AXIN1: variants seen among roughly 807,000 people sequenced by gnomAD.
AXIN1 encodes axin 1.
AXIN1 carries 30 observed loss-of-function variants against 76.4 expected under a neutral mutation model. The observed-to-expected ratio is 0.39, with a 90% confidence interval of 0.29 to 0.53. AXIN1 has a LOEUF of 0.53. AXIN1 is among the 20% of genes least tolerant of loss of function. The pLI, the probability that AXIN1 is intolerant of heterozygous loss-of-function variation, is 0.66. For missense variants in AXIN1, 1,140 were observed against 1,198.8 expected (o/e 0.95, Z 0.72); for synonymous variants, 545 against 501.4 (o/e 1.09, Z -1.16).
chr16:337,176 A>G (rs2053824296), intron 2 of AXIN1, among the ~76,000 whole-genome samples: 1 of 149,600 alleles, frequency 6.7e-6, no homozygotes, highest in East Asian at 1.9e-4. Context: ...AAAAAAAAAA[A>G]AGACACATTT....
chr16:293,468 A>C lies in AXIN1; in HGVS notation c.2186+20T>G. 1.2e-6 allele frequency: 2 copies of C among 1,604,332 alleles called. No individual in the cohort carries two copies. The highest frequency in any genetic ancestry group is 1.7e-6 in the Non-Finnish European group (2 of 1,177,954). Reference sequence around the variant, plus strand: ...TGTGGTAACCCCCAAGACCCACCCCACCCCACGACGCGGCCGTACCTCTGC... The same window carrying C: ...TGTGGTAACCCCCAAGACCCACCCCCCCCCACGACGCGGCCGTACCTCTGC... On this transcript the variant is annotated intron_variant, in intron 8 of 10. Coordinates refer to ENST00000262320, the MANE Select transcript of AXIN1 (RefSeq NM_003502.4). This position sits in a 1 kb window ranked among gnomAD's most constrained non-coding sequence, Gnocchi z 4.6.
intron 2 of AXIN1, among the ~76,000 whole-genome samples, chr16:328,092 T>A (rs1290554681): frequency 6.6e-6 from 1 of 152,154 alleles, no homozygotes. Flanking sequence ...CAAAAAAATG[T>A]TGCAAAAATT....
At chr16:296,409 GA>G (rs2052713417) in intron 7 of AXIN1, among the ~76,000 whole-genome samples, 1 of 152,238 alleles carries the variant, frequency 6.6e-6, no homozygotes, top group South Asian at 2.1e-4. Context: ...ACCTGCCTCT[GA>G]CCACGACAGG....
intron 2 of AXIN1, among the ~76,000 whole-genome samples, chr16:338,927 GA>G (rs748212713): frequency 0.011 from 1,564 of 141,946 alleles, 7 homozygotes; most frequent in Non-Finnish European, 0.015. Context: ...CCATCTTGGG[GA>G]AAAAAAAAAA....
At chr16:347,325 G>A (rs569096290) in intron 1 of AXIN1, among the ~76,000 whole-genome samples, 21 of 152,358 alleles carry the variant, frequency 1.4e-4, no homozygotes, top group South Asian at 6.2e-4. Context: ...TGCCTCTCAT[G>A]CTAAGAAGGG....
chr16:315,214 C>T (rs1311400856), intron 2 of AXIN1, among the ~76,000 whole-genome samples: 1 of 152,210 alleles, frequency 6.6e-6, no homozygotes, highest in Non-Finnish European at 1.5e-5. Flanking sequence ...CTCCCCAGCT[C>T]CTGGGACGAT....
intron 2 of AXIN1, among the ~76,000 whole-genome samples, chr16:325,470 G>C (rs951740774): frequency 7.2e-5 from 11 of 152,332 alleles, no homozygotes; most frequent in African/African-American, 2.6e-4. Flanking sequence ...CACTGGAGTT[G>C]GGGCAGCGCT....
At chr16:297,606 C>A in intron 6 of AXIN1, 116 bp downstream of exon 6, 2 of 1,376,224 alleles carry the variant, frequency 1.5e-6, no homozygotes, top group Non-Finnish European at 1.9e-6. Context: ...AGCAGAGGGG[C>A]CTCCTGCCTG....
At chr16:334,765 A>C (rs1430350313) in intron 2 of AXIN1, among the ~76,000 whole-genome samples, 4 of 151,634 alleles carry the variant, frequency 2.6e-5, no homozygotes, top group Non-Finnish European at 5.9e-5. Context: ...CAACACACTA[A>C]TATCACAGCA....
At chr16:317,969 A>G (rs891004630) in intron 2 of AXIN1, among the ~76,000 whole-genome samples, 1 of 152,256 alleles carries the variant, frequency 6.6e-6, no homozygotes, top group African/African-American at 2.4e-5. Context: ...GCCGCACAGA[A>G]GTTTAAGAAG....
rs372629435 is a variant in AXIN1 at position 297,246 on chromosome 16, G to T, written c.1785-20C>A. 6.2e-7 allele frequency: 1 copy of T among 1,602,586 alleles called. No homozygotes were observed. The highest frequency in any genetic ancestry group is 1.1e-5 in the South Asian group (1 of 91,070). On this transcript the variant is annotated intron_variant, in intron 6 of 10. Transcript: ENST00000262320. ...TTCCCACTGCAAGGGCAAGAGCTGC[G>T]AGTCGCCCTGGCCTCCGGTGGCCGA...
At chr16:318,997 C>A (rs548703362) in intron 2 of AXIN1, among the ~76,000 whole-genome samples, 5 of 146,190 alleles carry the variant, frequency 3.4e-5, no homozygotes, top group Admixed American at 2.1e-4. Context: ...GGAGAGAATG[C>A]GGCCGGAGAC....
rs2141511445 is a variant in AXIN1 at position 297,917 on chromosome 16, T to A, written c.1589A>T (p.His530Leu). The change falls in exon 6 of 11, where the codon CAC (histidine) becomes CTC (leucine). Residue 530 changes from histidine (H) to leucine (L), a missense_variant. His to Leu is a moderately conservative substitution (Grantham distance 99, BLOSUM62 -3). This residue lies in a region of AXIN1 where 708 missense variants were observed against 776.9 expected (regional missense o/e 0.91). Coordinates refer to ENST00000262320, the MANE Select transcript of AXIN1 (RefSeq NM_003502.4). ...GTGGTGGTGGACGTGTCGGTGGTGG[T>A]GCAGGCCGGCCGCGTCCAGCTTCGC... is the stretch of plus-strand genomic sequence containing the variant. ...SGAKLDAAGL[H>L]HHRHVHHHVH... 6.3e-7 allele frequency: 1 copy of A among 1,597,546 alleles called. No homozygotes were observed. Among genetic ancestry groups the A allele is most frequent in the East Asian group, 2.2e-5 (1 of 44,594 alleles).
intron 2 of AXIN1, among the ~76,000 whole-genome samples, chr16:330,310 C>A (rs2053668769): frequency 6.6e-6 from 1 of 152,100 alleles, no homozygotes; most frequent in African/African-American, 2.4e-5. Context: ...GCAATCCACC[C>A]ACCTTGGCCT....
chr16:346,127 G>C (rs2141699821), intron 2 of AXIN1, 21 bp downstream of exon 2: 1 of 1,610,796 alleles, frequency 6.2e-7, no homozygotes, highest in Non-Finnish European at 8.5e-7. Flanking sequence ...ACAGAAAGTG[G>C]ACGCCTGGCG....
chr16:293,830 G>C lies in AXIN1; in HGVS notation c.1956-112C>G. 9.5e-7 allele frequency: 1 copy of C among 1,048,308 alleles called. No homozygotes were observed. Among genetic ancestry groups the C allele is most frequent in the South Asian group, 1.3e-5 (1 of 79,186 alleles). The allele number at this position is 1,048,308 out of a possible 1,614,324, so 64.9% of individuals were successfully genotyped here. On this transcript the variant is annotated intron_variant, in intron 7 of 10. Coordinates refer to ENST00000262320, the MANE Select transcript of AXIN1 (RefSeq NM_003502.4). This position sits in a 1 kb window ranked among gnomAD's most constrained non-coding sequence, Gnocchi z 4.6. ...CCTCCTTGAGGGATAGGATGGGATG[G>C]GGCACTGGGGCCTGGCCACCAAGCC...
chr16:347,246 A>G, intron 1 of AXIN1, 140 bp from the exon 2 acceptor site: 1 of 819,634 alleles, frequency 1.2e-6, no homozygotes, highest in Non-Finnish European at 1.9e-6. Context: ...TGTTCAATCA[A>G]GATATATTTT....
At chr16:297,270 G>A (rs1302907614) in intron 6 of AXIN1, 44 bp from the exon 7 acceptor site, 7 of 1,599,052 alleles carry the variant, frequency 4.4e-6, no homozygotes, top group Admixed American at 1.7e-5. Context: ...TCCGGTGGCC[G>A]AGGCTGTGCC....
intron 2 of AXIN1, among the ~76,000 whole-genome samples, chr16:331,171 T>G (rs1311083399): frequency 6.6e-6 from 1 of 152,170 alleles, no homozygotes; most frequent in African/African-American, 2.4e-5. Context: ...TAACAACTTC[T>G]GAAAGCCACG....
Sources: allele counts gnomAD v4.1 joint callset (sites outside exome capture counted in the v4.1 genomes callset), GRCh38; gene constraint gnomAD v4.1.1; regional missense constraint gnomAD v4.1.1; non-coding constraint Gnocchi (gnomAD v3.1); transcripts MANE v1.5; gene names NCBI Gene and HGNC (gene_info 2026-07-23, HGNC 2026-07-21).